The following HS3ST5 variants were observed in gnomAD, a reference collection of about 807,000 sequenced individuals.
HS3ST5 encodes the protein heparan sulfate-glucosamine 3-sulfotransferase 5.
A neutral mutation model predicts 25.4 loss-of-function variants in HS3ST5; 10 were observed. The ratio of observed to expected loss-of-function variants is 0.39; its 90% confidence interval spans 0.24 to 0.67. The LOEUF is 0.67. Ranked by LOEUF, HS3ST5 falls within the 30% of genes least tolerant of loss-of-function variation. HS3ST5 has a pLI of 0.44. For synonymous variants in HS3ST5, 170 were observed against 162.4 expected, an observed-to-expected ratio of 1.05 and a Z score of -0.36; for missense variants, 324 against 420.7, an observed-to-expected ratio of 0.77 and a Z score of 2.01.
At chr6:114,154,894 A>T (rs1201087295) in intron 3 of HS3ST5, among the ~76,000 whole-genome samples, 1 of 151,980 alleles carries the variant, frequency 6.6e-6, no homozygotes, top group African/African-American at 2.4e-5. Context: ...TCCTCCCATC[A>T]TCTGGGCATC....
chr6:114,294,956 T>C (rs982342992), intron 1 of HS3ST5, among the ~76,000 whole-genome samples: 37 of 152,328 alleles, frequency 2.4e-4, no homozygotes, highest in African/African-American at 8.7e-4. Flanking sequence ...AGTTCTCTTA[T>C]TGAATGGAGC....
chr6:114,153,802 C>T (rs778174692), intron 3 of HS3ST5, among the ~76,000 whole-genome samples: 4 of 152,204 alleles, frequency 2.6e-5, no homozygotes, highest in African/African-American at 4.8e-5. Flanking sequence ...TAACTACTAT[C>T]TTAGTACTCA....
intron 1 of HS3ST5, among the ~76,000 whole-genome samples, chr6:114,237,032 A>G (rs1000068286): frequency 6.6e-6 from 1 of 152,244 alleles, no homozygotes; most frequent in African/African-American, 2.4e-5. Flanking sequence ...AAATGAGTCT[A>G]CATATGCTAA....
At chr6:114,180,018 C>A (rs1779899315) in intron 2 of HS3ST5, among the ~76,000 whole-genome samples, 1 of 152,138 alleles carries the variant, frequency 6.6e-6, no homozygotes, top group African/African-American at 2.4e-5. Flanking sequence ...CTTCTGCCTG[C>A]TTTTTCTAGT....
intron 1 of HS3ST5, among the ~76,000 whole-genome samples, chr6:114,266,881 A>C (rs1773424221): frequency 6.6e-6 from 1 of 152,194 alleles, no homozygotes; most frequent in African/African-American, 2.4e-5. Flanking sequence ...TATTTGGGGG[A>C]AAATTCAGTT....
intron 3 of HS3ST5, among the ~76,000 whole-genome samples, chr6:114,163,666 T>G (rs537792177): frequency 1.3e-5 from 2 of 152,276 alleles, no homozygotes; most frequent in Admixed American, 1.3e-4. Flanking sequence ...GAATGAACTC[T>G]TTTGAGCTGT....
intron 1 of HS3ST5, among the ~76,000 whole-genome samples, chr6:114,307,702 G>A (rs948625974): frequency 6.6e-6 from 1 of 152,046 alleles, no homozygotes; most frequent in Non-Finnish European, 1.5e-5. Flanking sequence ...CTAGTGAGAT[G>A]TGATTTGCTT....
intron 3 of HS3ST5, among the ~76,000 whole-genome samples, chr6:114,131,700 A>G (rs1410167752): frequency 2.6e-5 from 4 of 152,214 alleles, no homozygotes; most frequent in East Asian, 1.9e-4. Context: ...CCTACTTGGT[A>G]TCTTTATCTG....
intron 1 of HS3ST5, among the ~76,000 whole-genome samples, chr6:114,231,096 T>C (rs1022144631): frequency 1.3e-5 from 2 of 152,104 alleles, no homozygotes; most frequent in African/African-American, 4.8e-5. Flanking sequence ...TAAATGGTTT[T>C]AGCACCATCC....
intron 1 of HS3ST5, among the ~76,000 whole-genome samples, chr6:114,242,559 T>G (rs139355274): frequency 3.3e-5 from 5 of 152,336 alleles, no homozygotes; most frequent in Non-Finnish European, 4.4e-5. Context: ...TCTTCCATTA[T>G]CCATGCCCAC....
At chr6:114,126,254 C>CT (rs1261638841) in intron 3 of HS3ST5, among the ~76,000 whole-genome samples, 2 of 152,016 alleles carry the variant, frequency 1.3e-5, no homozygotes, top group Admixed American at 6.6e-5. Flanking sequence ...GACTTTATAA[C>CT]TTTTTTTTAT....
At chr6:114,225,527 T>C (rs1179512181) in intron 2 of HS3ST5, among the ~76,000 whole-genome samples, 1 of 151,910 alleles carries the variant, frequency 6.6e-6, no homozygotes, top group Non-Finnish European at 1.5e-5. Context: ...ATGCCGCTAC[T>C]AGGAAGCTGA....
intron 1 of HS3ST5, among the ~76,000 whole-genome samples, chr6:114,302,319 T>A (rs746690172): frequency 5.3e-5 from 8 of 152,238 alleles, no homozygotes; most frequent in Non-Finnish European, 1.0e-4. Context: ...TGCAAATTAT[T>A]ATTTCATGAT....
chr6:114,109,524 A>G (rs917881369), intron 3 of HS3ST5, among the ~76,000 whole-genome samples: 21 of 152,164 alleles, frequency 1.4e-4, no homozygotes, highest in Non-Finnish European at 2.9e-4. Flanking sequence ...CAGTCTTAAC[A>G]GATACTTGGT....
intron 3 of HS3ST5, among the ~76,000 whole-genome samples, chr6:114,064,663 T>C (rs547430369): frequency 6.6e-6 from 1 of 152,338 alleles, no homozygotes; most frequent in East Asian, 1.9e-4. Flanking sequence ...TAAATAGACA[T>C]GTTCTTGCCC....
intron 4 of HS3ST5, among the ~76,000 whole-genome samples, chr6:114,061,031 A>G (rs1773086934): frequency 6.6e-6 from 1 of 152,168 alleles, no homozygotes; most frequent in Admixed American, 6.6e-5. Context: ...TGTTACCTTC[A>G]GACATAATCT....
intron 1 of HS3ST5, among the ~76,000 whole-genome samples, chr6:114,257,958 T>C (rs1486191051): frequency 1.3e-5 from 2 of 152,108 alleles, no homozygotes; most frequent in Non-Finnish European, 2.9e-5. Context: ...GGTCTCTCGC[T>C]ATGTTGCCCA....
chr6:114,321,444 T>C (rs1329341910), intron 1 of HS3ST5, among the ~76,000 whole-genome samples: 3 of 152,088 alleles, frequency 2.0e-5, no homozygotes, highest in African/African-American at 7.2e-5. Flanking sequence ...AACTCTTTAT[T>C]ATCCTGCTTG....
chr6:114,096,849 A>T (rs1010246059), intron 3 of HS3ST5, among the ~76,000 whole-genome samples: 1 of 152,160 alleles, frequency 6.6e-6, no homozygotes, highest in Admixed American at 6.6e-5. Context: ...TTTAAAGTAT[A>T]TTCCTTAGTC....
Sources: gnomAD v4.1 joint callset for allele counts (sites outside exome capture counted in the v4.1 genomes callset) on GRCh38, gnomAD v4.1.1 for gene constraint, MANE v1.5 for transcripts, NCBI Gene and HGNC (gene_info 2026-07-23, HGNC 2026-07-21) for gene names.